Variants in MARCHF3 observed in about 807,000 individuals in gnomAD.
The protein encoded by MARCHF3 is E3 ubiquitin-protein ligase MARCHF3.
In MARCHF3, 13 loss-of-function variants were observed where a neutral mutation model predicts 24.2. The ratio of observed to expected loss-of-function variants is 0.54; its 90% confidence interval spans 0.35 to 0.85. The LOEUF is 0.85. MARCHF3 is among the 40% of genes least tolerant of loss of function. MARCHF3 has a pLI of 0.01. For synonymous variants in MARCHF3, 144 were observed against 137.3 expected, an observed-to-expected ratio of 1.05 and a Z score of -0.34; for missense variants, 276 against 325.0, an observed-to-expected ratio of 0.85 and a Z score of 1.16.
Position 126,889,363 on chromosome 5 carries a change from G to A in MARCHF3, c.394-10969C>T, listed in dbSNP as rs141767793. 4.1e-3 allele frequency among the ~76,000 whole-genome samples: 629 copies of A among 152,138 alleles called. 4 individuals carry two copies. The highest frequency in any genetic ancestry group is 0.012 in the African/African-American group (501 of 41,494). Reference sequence around the variant, plus strand: ...ACAATAAATTCCTATTTTGATAATAGGGATGTTTGAAGGAATAGAGAGGAA... The same window carrying A: ...ACAATAAATTCCTATTTTGATAATAAGGATGTTTGAAGGAATAGAGAGGAA... On this transcript the variant is annotated intron_variant, in intron 3 of 4. Coordinates refer to ENST00000308660, the MANE Select transcript of MARCHF3 (RefSeq NM_178450.5).
intron 1 of MARCHF3, among the ~76,000 whole-genome samples, chr5:126,936,866 T>C (rs563517030): frequency 2.0e-5 from 3 of 152,204 alleles, no homozygotes; most frequent in African/African-American, 7.2e-5. Context: ...ACATTACAGA[T>C]CTCCAGGTAA....
At chr5:126,908,244 G>T (rs1484771403) in intron 3 of MARCHF3, among the ~76,000 whole-genome samples, 2 of 152,124 alleles carry the variant, frequency 1.3e-5, no homozygotes, top group South Asian at 2.1e-4. Flanking sequence ...CTCTCTGGCT[G>T]CCCTTAAGAT....
intron 3 of MARCHF3, among the ~76,000 whole-genome samples, chr5:126,903,304 T>C (rs1754166505): frequency 6.6e-6 from 1 of 152,002 alleles, no homozygotes; most frequent in African/African-American, 2.4e-5. Context: ...AGAGAGAGCA[T>C]GTCCCACCCA....
rs1350794726 is a variant in MARCHF3 at position 126,868,031 on chromosome 5, G to A, written c.*2602C>T. 6.6e-6 allele frequency: 1 copy of A among 152,128 alleles called. No individual in the cohort carries two copies. Among genetic ancestry groups the A allele is most frequent in the African/African-American group, 2.4e-5 (1 of 41,406 alleles). 9.4% of individuals were successfully genotyped at this position (152,128 alleles called of 1,614,324 possible). A position where few individuals can be genotyped will look rare whatever the true frequency, so the allele number is the denominator to read the frequency against. ...CAGTTAAAGAGAAGCAATGAACCAC[G>A]AGGGTCCTTTAGGTAAAGGACCCCC... is the stretch of plus-strand genomic sequence containing the variant. On this transcript the variant is annotated 3_prime_UTR_variant, in exon 5 of 5. Transcript: ENST00000308660.
Position 126,868,469 on chromosome 5 carries a change from G to A in MARCHF3, c.*2164C>T, listed in dbSNP as rs112519102. On this transcript the variant is annotated 3_prime_UTR_variant, in exon 5 of 5. Coordinates refer to ENST00000308660, the MANE Select transcript of MARCHF3 (RefSeq NM_178450.5). ...CACGAAGGAAAGAGGTGTGGCACAG[G>A]CACAGTTTTAATGTGCAAACCCTTC... 0.018 allele frequency: 2,749 copies of A among 152,368 alleles called. 40 individuals are homozygous for A. The highest frequency in any genetic ancestry group is 0.027 in the Non-Finnish European group (1,816 of 68,088). The allele number at this position is 152,368 out of a possible 1,614,324, so 9.4% of individuals were successfully genotyped here.
intron 3 of MARCHF3, among the ~76,000 whole-genome samples, chr5:126,902,937 A>G (rs1325276067): frequency 6.6e-6 from 1 of 152,114 alleles, no homozygotes; most frequent in East Asian, 1.9e-4. Flanking sequence ...TCAGAGGTCA[A>G]GAAAGTGCTT....
At chr5:126,936,393 A>G (rs1271344082) in intron 1 of MARCHF3, among the ~76,000 whole-genome samples, 1 of 152,230 alleles carries the variant, frequency 6.6e-6, no homozygotes, top group African/African-American at 2.4e-5. Context: ...TTAAATAAAT[A>G]CATAGTGTAT....
At chr5:126,898,946 G>C (rs935848672) in intron 3 of MARCHF3, 2 of 984,634 alleles carry the variant, frequency 2.0e-6, no homozygotes, top group Admixed American at 6.2e-5. Flanking sequence ...GCACATCTAA[G>C]AATTAAACTT....
At chr5:126,878,532 GGAAGTGT>G in intron 3 of MARCHF3, 138 bp from the exon 4 acceptor site, 3 of 743,882 alleles carry the variant, frequency 4.0e-6, no homozygotes, top group Non-Finnish European at 2.2e-6. Context: ...GAGATAACAA[GGAAGTGT>G]TCAGGGCTCA....
At chr5:126,926,139 C>T (rs1299460779) in intron 1 of MARCHF3, among the ~76,000 whole-genome samples, 2 of 152,292 alleles carry the variant, frequency 1.3e-5, no homozygotes, top group African/African-American at 4.8e-5. Flanking sequence ...ATAAGCAAAC[C>T]AGTATTAGCT....
At chr5:126,992,766 A>ATTTTTTTTTTTT (rs757479478) in intron 1 of MARCHF3, among the ~76,000 whole-genome samples, 1 of 95,522 alleles carries the variant, frequency 1.0e-5, no homozygotes. Context: ...CATCCACGTG[A>ATTTTTTTTTTTT]TTTTTTTTTT....
At chr5:126,998,153 C>T (rs1352010924) in intron 1 of MARCHF3, among the ~76,000 whole-genome samples, 1 of 152,108 alleles carries the variant, frequency 6.6e-6, no homozygotes. Context: ...TATTTTGTCA[C>T]AAGTAAATTA....
At chr5:126,948,468 C>T (rs1247533905) in intron 1 of MARCHF3, among the ~76,000 whole-genome samples, 1 of 152,206 alleles carries the variant, frequency 6.6e-6, no homozygotes, top group African/African-American at 2.4e-5. Context: ...CAGAAACACA[C>T]AAAGGTACAG....
chr5:127,018,108 T>C (rs566612689), intron 1 of MARCHF3, among the ~76,000 whole-genome samples: 4 of 152,330 alleles, frequency 2.6e-5, no homozygotes, highest in African/African-American at 9.6e-5. Context: ...CGGCAGCTCA[T>C]GCCTGCAATC....
chr5:126,937,527 T>G (rs1749686285), intron 1 of MARCHF3, among the ~76,000 whole-genome samples: 1 of 152,254 alleles, frequency 6.6e-6, no homozygotes, highest in South Asian at 2.1e-4. Flanking sequence ...AATTGTATAT[T>G]TAGACCATGG....
chr5:126,909,101 C>T (rs1754411444), intron 3 of MARCHF3, among the ~76,000 whole-genome samples: 1 of 152,216 alleles, frequency 6.6e-6, no homozygotes, highest in South Asian at 2.1e-4. Flanking sequence ...CAGTCTGCCC[C>T]TGCTGGGGGT....
chr5:126,954,206 T>TG (rs1750354661), intron 1 of MARCHF3, among the ~76,000 whole-genome samples: 1 of 146,766 alleles, frequency 6.8e-6, no homozygotes, highest in Admixed American at 6.8e-5. Context: ...CTAATTTTTT[T>TG]TTTTTTTTTT....
At chr5:126,985,360 G>C (rs1456481200) in intron 1 of MARCHF3, among the ~76,000 whole-genome samples, 1 of 151,890 alleles carries the variant, frequency 6.6e-6, no homozygotes, top group African/African-American at 2.4e-5. Flanking sequence ...GAATGGGAGG[G>C]ACAGGGTTAC....
chr5:126,963,807 G>T (rs1456113711), intron 1 of MARCHF3, among the ~76,000 whole-genome samples: 2 of 152,206 alleles, frequency 1.3e-5, no homozygotes, highest in African/African-American at 4.8e-5. Context: ...AATATCAAGA[G>T]TACTGACGTT....
Sources: gnomAD v4.1 joint callset for allele counts (sites outside exome capture counted in the v4.1 genomes callset) on GRCh38, gnomAD v4.1.1 for gene constraint, MANE v1.5 for transcripts, NCBI Gene and HGNC (gene_info 2026-07-23, HGNC 2026-07-21) for gene names.